TPST2: variants seen among roughly 807,000 people sequenced by gnomAD.
The protein encoded by TPST2 is tyrosylprotein sulfotransferase 2.
Under a neutral mutation model 27.8 loss-of-function variants are expected in TPST2, and 16 were observed. The ratio of observed to expected loss-of-function variants is 0.58; its 90% confidence interval spans 0.39 to 0.88. TPST2 has a LOEUF of 0.88. Among genes scored for constraint, TPST2 ranks in the 40% least tolerant of loss-of-function variants. The probability of loss-of-function intolerance (pLI) is 0.00; values close to 1 mark genes in which losing one functional copy is unlikely to be tolerated. For missense variants in TPST2, 464 were observed against 543.1 expected (o/e 0.85, Z 1.45); for synonymous variants, 229 against 231.7 (o/e 0.99, Z 0.10).
intron 1 of TPST2, among the ~76,000 whole-genome samples, chr22:26,577,089 C>CCA (rs1329128091): frequency 6.5e-5 from 8 of 123,934 alleles, no homozygotes; most frequent in Admixed American, 1.7e-4. Flanking sequence ...GAACGAGACT[C>CCA]TGTTGCAAAA....
chr22:26,549,777 T>C (rs1299269469), intron 1 of TPST2, among the ~76,000 whole-genome samples: 1 of 145,904 alleles, frequency 6.9e-6, no homozygotes. Context: ...ACACCTATAA[T>C]CCCAGCACTT....
intron 1 of TPST2, among the ~76,000 whole-genome samples, chr22:26,580,861 C>T (rs1009412107): frequency 3.9e-5 from 6 of 152,112 alleles, no homozygotes; most frequent in Non-Finnish European, 8.8e-5. Flanking sequence ...GGGAGGAAGA[C>T]TTTCGCTCTG....
intron 1 of TPST2, among the ~76,000 whole-genome samples, chr22:26,577,028 G>A (rs1420160856): frequency 1.5e-4 from 22 of 150,358 alleles, no homozygotes; most frequent in African/African-American, 5.1e-4. Flanking sequence ...CCCGGGAGGC[G>A]GAGCTTGCAG....
intron 1 of TPST2, among the ~76,000 whole-genome samples, chr22:26,581,048 A>G (rs1045919228): frequency 2.4e-4 from 16 of 66,388 alleles, no homozygotes; most frequent in East Asian, 4.4e-4. Context: ...ACACACACAC[A>G]CACACGCACA....
At position 26,541,281 on chromosome 22, in the gene TPST2, C is replaced by A. The variant is rs1191642135; in HGVS notation, c.350G>T (p.Gly117Val). Reference sequence around the variant, plus strand: ...CTCATCCAGCCGCAGCTTCTCACGGCCAGACTTGGACCAGGCCTGGCGCAT... The same window carrying A: ...CTCATCCAGCCGCAGCTTCTCACGGACAGACTTGGACCAGGCCTGGCGCAT... ...LAMRQAWSKS[G>V]REKLRLDEAG... Residue 117 changes from glycine to valine, a missense_variant, in exon 3 of 7, where the codon GGC becomes GTC. By Grantham distance (109) the Gly-to-Val change is moderately radical (BLOSUM62 -3). Coordinates refer to ENST00000338754, the MANE Select transcript of TPST2 (RefSeq NM_003595.5). The surrounding 1 kb of genome is among the most constrained non-coding windows in gnomAD (Gnocchi z 5.9). The A allele has an allele frequency of 3.2e-6, 5 of 1,538,744 alleles. No individual in the cohort carries two copies. The South Asian group carries it at 5.0e-5, about 16-fold the overall frequency.
intron 1 of TPST2, among the ~76,000 whole-genome samples, chr22:26,573,442 A>G (rs1400525820): frequency 6.6e-6 from 1 of 152,220 alleles, no homozygotes; most frequent in Non-Finnish European, 1.5e-5. Flanking sequence ...GTGACTCTAG[A>G]GTATCTTTAT....
Position 26,541,636 on chromosome 22 carries a change from G to T in TPST2, c.-6C>A. 2 of 1,558,864 alleles carry T rather than the reference G, an allele frequency of 1.3e-6. No homozygotes were observed. Among genetic ancestry groups the T allele is most frequent in the Non-Finnish European group, 1.7e-6 (2 of 1,158,618 alleles). The stretch of plus-strand genomic sequence containing the variant: ...CTCCGCACCGACAGGCGCATGCTGG[G>T]CCGGAGGCAGGGTAGGCCTGGCCTG... On this transcript the variant is annotated 5_prime_UTR_variant, in exon 3 of 7. Coordinates refer to ENST00000338754, the MANE Select transcript of TPST2 (RefSeq NM_003595.5). This position sits in a 1 kb window ranked among gnomAD's most constrained non-coding sequence, Gnocchi z 5.9.
intron 1 of TPST2, among the ~76,000 whole-genome samples, chr22:26,580,898 A>G (rs1928076447): frequency 1.3e-5 from 2 of 152,142 alleles, no homozygotes; most frequent in African/African-American, 2.4e-5. Flanking sequence ...ACTAGGCAAC[A>G]GCAGCCTCCA....
chr22:26,588,613 A>C (rs1176414618), intron 1 of TPST2, among the ~76,000 whole-genome samples: 1 of 152,220 alleles, frequency 6.6e-6, no homozygotes, highest in African/African-American at 2.4e-5. Flanking sequence ...ACAAAGATGT[A>C]TATTAAGTAA....
chr22:26,549,387 A>C (rs1926319644), intron 1 of TPST2, among the ~76,000 whole-genome samples: 2 of 152,164 alleles, frequency 1.3e-5, no homozygotes, highest in South Asian at 4.1e-4. Context: ...AGCCAGGCAC[A>C]GGGGCTCACG....
intron 1 of TPST2, among the ~76,000 whole-genome samples, chr22:26,549,669 A>G (rs993859016): frequency 2.3e-3 from 340 of 148,600 alleles, no homozygotes; most frequent in Non-Finnish European, 4.2e-3. Flanking sequence ...AAAAAAAAAA[A>G]AAAAAAGAAA....
intron 4 of TPST2, 119 bp from the exon 5 acceptor site, chr22:26,532,864 CAACA>C (rs1925246398): frequency 1.2e-6 from 1 of 839,068 alleles, no homozygotes; most frequent in Non-Finnish European, 2.0e-6. Context: ...TCCCTCCATC[CAACA>C]AACATTGCTT....
At chr22:26,572,112 C>T (rs1602297942) in intron 1 of TPST2, among the ~76,000 whole-genome samples, 2 of 152,202 alleles carry the variant, frequency 1.3e-5, no homozygotes, top group East Asian at 3.8e-4. Flanking sequence ...GCATCCCTGG[C>T]TTTCTTATTT....
intron 1 of TPST2, among the ~76,000 whole-genome samples, chr22:26,581,214 C>T (rs952008212): frequency 6.6e-6 from 1 of 152,144 alleles, no homozygotes; most frequent in Non-Finnish European, 1.5e-5. Context: ...ATCATTTGCA[C>T]CCCTTCCTCC....
intron 1 of TPST2, among the ~76,000 whole-genome samples, chr22:26,567,435 G>A (rs186038259): frequency 9.8e-5 from 15 of 152,306 alleles, no homozygotes; most frequent in Middle Eastern, 3.4e-3. Flanking sequence ...GGCCAGTTTT[G>A]CCCATTTTAA....
intron 1 of TPST2, among the ~76,000 whole-genome samples, chr22:26,552,000 CCATCTCAG>C (rs939374050): frequency 1.3e-5 from 2 of 150,698 alleles, no homozygotes; most frequent in Non-Finnish European, 3.0e-5. Context: ...GCACATTCTC[CCATCTCAG>C]CCTCCCAAGT....
At chr22:26,549,661 A>C (rs1200675285) in intron 1 of TPST2, among the ~76,000 whole-genome samples, 9 of 148,694 alleles carry the variant, frequency 6.1e-5, no homozygotes, top group South Asian at 4.2e-4. Flanking sequence ...CGTCTCAAAA[A>C]AAAAAAAAAA....
At chr22:26,573,094 A>T (rs576655883) in intron 1 of TPST2, among the ~76,000 whole-genome samples, 2 of 152,270 alleles carry the variant, frequency 1.3e-5, no homozygotes, top group African/African-American at 2.4e-5. Flanking sequence ...TTAATTAATG[A>T]TAGTTCCTGG....
intron 1 of TPST2, chr22:26,560,583 G>A: frequency 1.0e-6 from 1 of 954,166 alleles, no homozygotes; most frequent in Non-Finnish European, 1.7e-6. Flanking sequence ...TGCATTTTTT[G>A]GGCAAACTTG....
Sources: gnomAD v4.1 joint callset for allele counts (sites outside exome capture counted in the v4.1 genomes callset) on GRCh38, gnomAD v4.1.1 for gene constraint, Gnocchi (gnomAD v3.1) non-coding constraint, MANE v1.5 for transcripts, NCBI Gene and HGNC (gene_info 2026-07-23, HGNC 2026-07-21) for gene names.